The following DTNA variants were observed in gnomAD, a reference collection of about 807,000 sequenced individuals.
The protein encoded by DTNA is dystrobrevin alpha.
In DTNA, 43 loss-of-function variants were observed where a neutral mutation model predicts 100.7. The ratio of observed to expected loss-of-function variants is 0.43; its 90% confidence interval spans 0.33 to 0.55. The LOEUF (loss-of-function observed/expected upper bound fraction) is 0.55, where lower values mean the gene tolerates loss of function less well. Ranked by LOEUF, DTNA falls within the 20% of genes least tolerant of loss-of-function variation. DTNA has a pLI of 0.04. For synonymous variants in DTNA, 349 were observed against 347.9 expected, an observed-to-expected ratio of 1.00 and a Z score of -0.04; for missense variants, 798 against 953.9, an observed-to-expected ratio of 0.84 and a Z score of 2.15.
chr18:34,815,144 T>C (rs2095567185), intron 6 of DTNA, among the ~76,000 whole-genome samples: 1 of 152,016 alleles, frequency 6.6e-6, no homozygotes, highest in Non-Finnish European at 1.5e-5. Flanking sequence ...AATTATCCCA[T>C]CCCCTTTGAT....
chr18:34,838,093 G>C lies in DTNA; in HGVS notation c.1176-1G>C, dbSNP rs2096191452. On this transcript the variant is annotated splice_acceptor_variant, in intron 11 of 22. Coordinates refer to ENST00000444659, the MANE Select transcript of DTNA (RefSeq NM_001386795.1). LOFTEE classifies it high-confidence loss of function. ...CTTGGCTTTCCCATCTTATTAACTA[G>C]CTCTCCTCCCAAGGACAGTGAAGTA... The C allele has an allele frequency of 5.0e-6, 8 of 1,613,650 alleles. No individual in the cohort carries two copies. Among genetic ancestry groups the C allele is most frequent in the African/African-American group, 2.7e-5 (2 of 75,012 alleles).
intron 1 of DTNA, among the ~76,000 whole-genome samples, chr18:34,584,130 G>T (rs914527941): frequency 2.6e-5 from 4 of 152,176 alleles, no homozygotes; most frequent in Non-Finnish European, 4.4e-5. Flanking sequence ...TTCCTAGAGG[G>T]TCTGACTACC....
At chr18:34,616,505 C>T (rs1312889341) in intron 1 of DTNA, among the ~76,000 whole-genome samples, 2 of 152,164 alleles carry the variant, frequency 1.3e-5, no homozygotes, top group African/African-American at 4.8e-5. Context: ...ACATCTGTAC[C>T]AGTACCATGC....
At chr18:34,517,092 G>C (rs915113491) in intron 1 of DTNA, among the ~76,000 whole-genome samples, 2 of 152,010 alleles carry the variant, frequency 1.3e-5, no homozygotes, top group African/African-American at 4.8e-5. Flanking sequence ...ATGTTCTTCT[G>C]CCATGGCTTC....
intron 1 of DTNA, among the ~76,000 whole-genome samples, chr18:34,684,888 C>G (rs1045626399): frequency 1.3e-5 from 2 of 152,224 alleles, no homozygotes; most frequent in African/African-American, 4.8e-5. Flanking sequence ...TTGCATTTCT[C>G]TAATGACCAG....
At chr18:34,537,184 A>G (rs920818702) in intron 1 of DTNA, among the ~76,000 whole-genome samples, 14 of 151,978 alleles carry the variant, frequency 9.2e-5, no homozygotes, top group African/African-American at 2.7e-4. Flanking sequence ...AAACTCCTTC[A>G]GCTAATGGGG....
rs367763240 is a variant in DTNA, at chr18:34,812,017, A to G, written c.507A>G (p.Gln169=). The change falls in exon 6 of 23, where the codon CAA becomes CAG. Residue 169 remains glutamine (Q), a synonymous_variant. Transcript: ENST00000444659. The stretch of plus-strand genomic sequence containing the variant: ...TGATGGTTTATGGACGATATGACCA[A>G]TTCCTTCGGGAAGTTCTCAAACTAC... ...SGVMVYGRYD[Q]FLREVLKLPT... is the part of the protein sequence containing the mutation. The G allele has an allele frequency of 5.6e-6, 9 of 1,613,998 alleles. No homozygotes were observed. In the Admixed American group the frequency reaches 6.7e-5, roughly 12 times the overall value.
intron 1 of DTNA, among the ~76,000 whole-genome samples, chr18:34,551,532 G>T (rs1183039875): frequency 6.6e-6 from 1 of 151,952 alleles, no homozygotes; most frequent in Non-Finnish European, 1.5e-5. Context: ...TGCTTCTCCA[G>T]TGCCCAATCT....
At chr18:34,565,556 C>A (rs1341735545) in intron 1 of DTNA, among the ~76,000 whole-genome samples, 2 of 152,206 alleles carry the variant, frequency 1.3e-5, no homozygotes, top group African/African-American at 4.8e-5. Context: ...CCTCTGCAGG[C>A]TAAGTGGGTG....
At chr18:34,767,355 C>T (rs1382340161) in intron 3 of DTNA, among the ~76,000 whole-genome samples, 2 of 152,144 alleles carry the variant, frequency 1.3e-5, no homozygotes, top group Non-Finnish European at 1.5e-5. Flanking sequence ...GCAAAGTACG[C>T]ATCTATTCCT....
intron 1 of DTNA, among the ~76,000 whole-genome samples, chr18:34,647,839 A>G (rs527869782): frequency 6.6e-6 from 1 of 152,354 alleles, no homozygotes; most frequent in East Asian, 1.9e-4. Context: ...GGCACTTACA[A>G]CAGTGCTTAG....
At chr18:34,816,629 A>G (rs1193494812) in intron 7 of DTNA, among the ~76,000 whole-genome samples, 1 of 152,190 alleles carries the variant, frequency 6.6e-6, no homozygotes, top group Non-Finnish European at 1.5e-5. Flanking sequence ...TTAAACATGG[A>G]GCAGTTCAGT....
chr18:34,578,643 A>G (rs114461283), intron 1 of DTNA, among the ~76,000 whole-genome samples: 192 of 152,254 alleles, frequency 1.3e-3, no homozygotes, highest in African/African-American at 4.3e-3. Flanking sequence ...TGATTTTTAT[A>G]CGTGGTGAGA....
rs2090534950 is a variant in DTNA, at chr18:34,740,949, A to G, written c.-1-15027A>G. The stretch of plus-strand genomic sequence containing the variant: ...GTGGAGTGGAGGTGATTTGAGGCAC[A>G]GGCATCATGAATCAGAGGAGCATGA... On this transcript the variant is annotated intron_variant, in intron 1 of 22. Coordinates refer to ENST00000444659, the MANE Select transcript of DTNA (RefSeq NM_001386795.1). 2.0e-5 allele frequency among the ~76,000 whole-genome samples: 3 copies of G among 152,172 alleles called. 1 individual carries two copies. Among genetic ancestry groups the G allele is most frequent in the Non-Finnish European group, 4.4e-5 (3 of 68,026 alleles).
In DTNA at chr18:34,889,379, C is replaced by G. The variant is rs1004525111; in HGVS notation, c.*1645C>G. The G allele has an allele frequency of 5.2e-5, 51 of 984,744 alleles. No individual in the cohort carries two copies. In the African/African-American group the frequency reaches 7.2e-4, roughly 14 times the overall value. 61.0% of individuals were successfully genotyped at this position (984,744 alleles called of 1,614,324 possible). The stretch of plus-strand genomic sequence containing the variant: ...GGTCCAGAAGTCTGTTTTAGTCAAC[C>G]CTCTAGGTGATTCTGATGCTCGCTA... On this transcript the variant is annotated 3_prime_UTR_variant, in exon 23 of 23. Transcript: ENST00000444659.
chr18:34,606,943 G>A (rs1225390115), intron 1 of DTNA, among the ~76,000 whole-genome samples: 1 of 152,090 alleles, frequency 6.6e-6, no homozygotes, highest in Non-Finnish European at 1.5e-5. Flanking sequence ...TTCCTTGGAG[G>A]TTTAGTGCTT....
chr18:34,540,673 G>A (rs751988011), intron 1 of DTNA, among the ~76,000 whole-genome samples: 24 of 152,046 alleles, frequency 1.6e-4, no homozygotes, highest in Non-Finnish European at 2.6e-4. Context: ...AGAACATATG[G>A]CCCAAGGTTA....
chr18:34,494,424 G>A (rs1269075738), intron 1 of DTNA, among the ~76,000 whole-genome samples: 1 of 152,088 alleles, frequency 6.6e-6, no homozygotes, highest in Non-Finnish European at 1.5e-5. Flanking sequence ...ATAGCCTGTT[G>A]CCCACTTCGA....
chr18:34,718,416 G>A (rs2084527989), intron 1 of DTNA, among the ~76,000 whole-genome samples: 1 of 152,068 alleles, frequency 6.6e-6, no homozygotes, highest in Non-Finnish European at 1.5e-5. Context: ...GTTTAGAAAG[G>A]TCAAAAAAGC....
Sources: allele counts gnomAD v4.1 joint callset (sites outside exome capture counted in the v4.1 genomes callset), GRCh38; gene constraint gnomAD v4.1.1; transcripts MANE v1.5; gene names NCBI Gene and HGNC (gene_info 2026-07-23, HGNC 2026-07-21).